ANKRD6: variants seen among roughly 807,000 people sequenced by gnomAD.
The protein encoded by ANKRD6 is ankyrin repeat domain-containing protein 6.
In ANKRD6, 56 loss-of-function variants were observed where a neutral mutation model predicts 82.3. That is an observed-to-expected ratio of 0.68 (90% confidence interval 0.55 to 0.85). ANKRD6 has a LOEUF of 0.85. Ranked by LOEUF, ANKRD6 falls within the 40% of genes least tolerant of loss-of-function variation. ANKRD6 has a pLI of 0.00. For synonymous variants in ANKRD6, 347 were observed against 352.1 expected (o/e 0.99, Z 0.16); for missense variants, 852 against 907.6 (o/e 0.94, Z 0.79).
At chr6:89,509,090 G>T (rs1015487726) in intron 1 of ANKRD6, 1 of 152,268 alleles carries the variant, frequency 6.6e-6, no homozygotes, top group Non-Finnish European at 1.5e-5. Flanking sequence ...GGGCGACTGT[G>T]CACCCTCCCA....
At chr6:89,486,045 G>T (rs573917935) in intron 1 of ANKRD6, among the ~76,000 whole-genome samples, 41 of 152,198 alleles carry the variant, frequency 2.7e-4, no homozygotes, top group East Asian at 1.9e-3. Context: ...TACATATCTT[G>T]CCAGTCTTTA....
intron 1 of ANKRD6, among the ~76,000 whole-genome samples, chr6:89,462,255 A>AATC (rs1774257659): frequency 6.7e-6 from 1 of 148,298 alleles, no homozygotes; most frequent in Non-Finnish European, 1.5e-5. Flanking sequence ...TAATAATAAT[A>AATC]ATAATAATAA....
intron 1 of ANKRD6, among the ~76,000 whole-genome samples, chr6:89,454,211 G>A (rs1242537290): frequency 6.6e-6 from 1 of 152,066 alleles, no homozygotes; most frequent in East Asian, 1.9e-4. Flanking sequence ...GGTCTTATGG[G>A]TGCACATCTA....
chr6:89,521,543 A>G (rs1781888952), intron 1 of ANKRD6, among the ~76,000 whole-genome samples: 1 of 152,202 alleles, frequency 6.6e-6, no homozygotes, highest in South Asian at 2.1e-4. Flanking sequence ...GAGCAACATA[A>G]TCAGATTTAT....
intron 1 of ANKRD6, among the ~76,000 whole-genome samples, chr6:89,533,484 A>G (rs963995229): frequency 6.6e-6 from 1 of 152,050 alleles, no homozygotes; most frequent in Admixed American, 6.6e-5. Flanking sequence ...AGCCATTTCC[A>G]TCTCTCAGGA....
intron 7 of ANKRD6, among the ~76,000 whole-genome samples, chr6:89,615,493 C>T (rs920626558): frequency 1.3e-5 from 2 of 152,168 alleles, no homozygotes; most frequent in African/African-American, 2.4e-5. Context: ...TAAAAAGTCC[C>T]CCTGCCCAGC....
At position 89,567,301 on chromosome 6, in the gene ANKRD6, G is replaced by A. The variant is rs9444698; in HGVS notation, c.120+205G>A. 3.9e-3 allele frequency among the ~76,000 whole-genome samples: 597 copies of A among 152,338 alleles called. 3 individuals are homozygous for A. The highest frequency in any genetic ancestry group is 0.014 in the African/African-American group (572 of 41,574). On this transcript the variant is annotated intron_variant, in intron 2 of 15. Coordinates refer to ENST00000339746, the MANE Select transcript of ANKRD6 (RefSeq NM_001242809.2). ...AGCAACTTGTAATTAGCATTTGACA[G>A]TCTTTAAAATCACGGTGGCTTTTCT...
chr6:89,450,245 G>A (rs1424935890), intron 1 of ANKRD6, among the ~76,000 whole-genome samples: 4 of 151,986 alleles, frequency 2.6e-5, no homozygotes, highest in African/African-American at 7.3e-5. Context: ...GCTGAGGCAG[G>A]AGAATCACTT....
intron 9 of ANKRD6, chr6:89,621,104 C>T (rs1002244762): frequency 6.6e-6 from 1 of 152,084 alleles, no homozygotes; most frequent in Non-Finnish European, 1.5e-5. Context: ...AAGACAAGGT[C>T]TTGCTTTGTC....
chr6:89,606,159 G>C, intron 5 of ANKRD6, 54 bp downstream of exon 5: 1 of 1,415,564 alleles, frequency 7.1e-7, no homozygotes, highest in Middle Eastern at 2.3e-4. Context: ...ATGGCTGTGG[G>C]TTTCTCCCCC....
At position 89,623,986 on chromosome 6, in the gene ANKRD6, C is replaced by T. The variant is rs1168726092; in HGVS notation, c.1147C>T (p.Pro383Ser). Residue 383 changes from proline (P) to serine (S), a missense_variant, in exon 12 of 16, where the codon CCC (proline) becomes TCC (serine). Transcript: ENST00000339746. ...KRNRHRCSSP[P>S]PPHEFRAYQL... ...GAACAGGCATCGGTGTTCATCCCCACCCCCACCCCATGAGTTCAGGGCGTA... is the reference window on the plus strand; with the variant it reads ...GAACAGGCATCGGTGTTCATCCCCATCCCCACCCCATGAGTTCAGGGCGTA... 1.2e-6 allele frequency: 2 copies of T among 1,612,330 alleles called. No homozygotes were observed. The highest frequency in any genetic ancestry group is 2.2e-5 in the East Asian group (1 of 44,848).
intron 1 of ANKRD6, among the ~76,000 whole-genome samples, chr6:89,469,956 T>C (rs1424969732): frequency 6.6e-6 from 1 of 152,176 alleles, no homozygotes; most frequent in Non-Finnish European, 1.5e-5. Context: ...GCCATCTCTC[T>C]CTCCTTTTCT....
At chr6:89,558,717 C>T (rs761405460) in intron 1 of ANKRD6, among the ~76,000 whole-genome samples, 4 of 149,458 alleles carry the variant, frequency 2.7e-5, no homozygotes, top group Non-Finnish European at 3.0e-5. Flanking sequence ...ATGCAAACCA[C>T]AGACTCTAGT....
intron 1 of ANKRD6, among the ~76,000 whole-genome samples, chr6:89,554,125 C>G (rs369565036): frequency 1.3e-5 from 2 of 152,190 alleles, no homozygotes; most frequent in Non-Finnish European, 1.5e-5. Flanking sequence ...ATTCCTATTT[C>G]CTTTGACTGC....
intron 1 of ANKRD6, chr6:89,504,959 C>T (rs1438035619): frequency 2.0e-5 from 3 of 152,240 alleles, no homozygotes; most frequent in Non-Finnish European, 4.4e-5. Flanking sequence ...TGAGCTTTAA[C>T]TGTAAGTAGC....
intron 1 of ANKRD6, among the ~76,000 whole-genome samples, chr6:89,462,231 C>CAAAATAATA (rs1554214168): frequency 0.35 from 19,298 of 55,670 alleles, 1,614 homozygotes; most frequent in South Asian, 0.47. Flanking sequence ...GACTCCATCT[C>CAAAATAATA]AAAATAATAA....
chr6:89,469,519 A>G (rs1350237886), intron 1 of ANKRD6, among the ~76,000 whole-genome samples: 6 of 152,056 alleles, frequency 3.9e-5, no homozygotes. Flanking sequence ...TAATTTTCTA[A>G]CCTTGTCAGT....
intron 2 of ANKRD6, among the ~76,000 whole-genome samples, chr6:89,592,136 G>A (rs1336564628): frequency 1.3e-5 from 2 of 152,216 alleles, no homozygotes; most frequent in Non-Finnish European, 2.9e-5. Flanking sequence ...GGACTGGCTG[G>A]TGGGTACCTG....
intron 1 of ANKRD6, among the ~76,000 whole-genome samples, chr6:89,434,656 G>GCA (rs1770398275): frequency 6.6e-6 from 1 of 152,060 alleles, no homozygotes; most frequent in Non-Finnish European, 1.5e-5. Context: ...GCCTAAGCTG[G>GCA]TCTCGAACTC....
Sources: allele counts gnomAD v4.1 joint callset (sites outside exome capture counted in the v4.1 genomes callset), GRCh38; gene constraint gnomAD v4.1.1; transcripts MANE v1.5; gene names NCBI Gene and HGNC (gene_info 2026-07-23, HGNC 2026-07-21).